The following COL28A1 variants were observed in gnomAD, a reference collection of about 807,000 sequenced individuals.
COL28A1 encodes the protein collagen type XXVIII alpha 1 chain.
COL28A1 carries 161 observed loss-of-function variants against 150.2 expected under a neutral mutation model. The ratio of observed to expected loss-of-function variants is 1.07; its 90% CI spans 0.94 to 1.22. COL28A1 has a LOEUF of 1.22. Among genes scored for constraint, COL28A1 ranks in the 50% most tolerant of loss-of-function variants. COL28A1 has a pLI of 0.00. For missense variants in COL28A1, 1,617 were observed against 1,388.3 expected, an observed-to-expected ratio of 1.16 and a Z score of -2.62; for synonymous variants, 552 against 469.7, an observed-to-expected ratio of 1.18 and a Z score of -2.26.
chr7:7,537,895 T>C (rs2115283784), upstream of COL28A1, among the ~76,000 whole-genome samples: 1 of 152,314 alleles, frequency 6.6e-6, no homozygotes, highest in South Asian at 2.1e-4. Context: ...CTCTTTTTGC[T>C]GAGGCAGGTT....
intron 28 of COL28A1, among the ~76,000 whole-genome samples, chr7:7,381,150 G>A (rs1381570437): frequency 2.0e-5 from 3 of 151,964 alleles, no homozygotes; most frequent in African/African-American, 7.3e-5. Flanking sequence ...CAATTTACCG[G>A]GTACCTGAGT....
chr7:7,458,794 G>A lies in COL28A1; in HGVS notation c.1303-2682C>T, dbSNP rs556595442. ...GGTCACGCAACTGTTAGACGGCAGA[G>A]GTGACAGTCAAGTCCAACTCATAGC... is the stretch of plus-strand genomic sequence containing the variant. On this transcript the variant is annotated intron_variant, in intron 15 of 34. Transcript: ENST00000399429. Among the ~76,000 whole-genome samples the A allele has an allele frequency of 1.6e-4, 25 of 152,278 alleles. No individual in the cohort carries two copies. In the South Asian group the frequency reaches 4.8e-3, roughly 29 times the overall value.
chr7:7,538,320 G>A (rs1477546163), upstream of COL28A1, among the ~76,000 whole-genome samples: 4 of 152,108 alleles, frequency 2.6e-5, no homozygotes, highest in Non-Finnish European at 5.9e-5. Context: ...AAAAGGCAAC[G>A]TGGAGCCCAT....
rs139152115 is a variant in COL28A1, at chr7:7,421,134, A to T, written c.1999-1181T>A. ...ATGGACAAAGTGCTGTAAATTCAGC[A>T]ATAAAAAGGAATAAACTATGAATAA... On this transcript the variant is annotated intron_variant, in intron 25 of 34. Coordinates refer to ENST00000399429, the MANE Select transcript of COL28A1 (RefSeq NM_001037763.3). Among the ~76,000 whole-genome samples, 746 of 152,366 alleles carry T rather than the reference A, an allele frequency of 4.9e-3. 9 individuals are homozygous for T. Among genetic ancestry groups the T allele is most frequent in the East Asian group, 0.028 (147 of 5,192 alleles).
At chr7:7,478,598 G>T (rs1346307346) in intron 13 of COL28A1, among the ~76,000 whole-genome samples, 2 of 152,256 alleles carry the variant, frequency 1.3e-5, no homozygotes, top group African/African-American at 4.8e-5. Flanking sequence ...AGCAGGGGCC[G>T]TGCTCCTTGG....
chr7:7,542,169 G>A, the COL28A1 span, among the ~76,000 whole-genome samples: 1 of 152,162 alleles, frequency 6.6e-6, no homozygotes, highest in African/African-American at 2.4e-5. Context: ...CCAACATAGT[G>A]AAACCCCGTC....
intron 23 of COL28A1, among the ~76,000 whole-genome samples, chr7:7,435,042 A>G (rs1785242646): frequency 6.6e-6 from 1 of 152,220 alleles, no homozygotes; most frequent in Admixed American, 6.5e-5. Flanking sequence ...GGGAAGAACA[A>G]CAGAAAGAGT....
chr7:7,460,603 C>T (rs1032289213), intron 15 of COL28A1, among the ~76,000 whole-genome samples: 1 of 152,248 alleles, frequency 6.6e-6, no homozygotes, highest in East Asian at 1.9e-4. Flanking sequence ...AGGATGGTCT[C>T]GATCTCCTGA....
chr7:7,429,014 T>C (rs1474742064), intron 25 of COL28A1, among the ~76,000 whole-genome samples: 1 of 152,220 alleles, frequency 6.6e-6, no homozygotes, highest in East Asian at 1.9e-4. Context: ...TTGAGTTTAA[T>C]GTCTGTGTCA....
intron 21 of COL28A1, 95 bp downstream of exon 21, chr7:7,440,695 C>G: frequency 1.7e-6 from 1 of 583,296 alleles, no homozygotes; most frequent in Non-Finnish European, 3.1e-6. Context: ...GGGAAGGAAA[C>G]AAGGAATCCA....
At chr7:7,393,288 A>T (rs896942821) in intron 27 of COL28A1, among the ~76,000 whole-genome samples, 9 of 152,182 alleles carry the variant, frequency 5.9e-5, no homozygotes, top group African/African-American at 4.8e-5. Flanking sequence ...TTACCAGTGG[A>T]GGCTGCAGAA....
chr7:7,508,860 G>C (rs940179449), intron 9 of COL28A1, among the ~76,000 whole-genome samples: 13 of 151,932 alleles, frequency 8.6e-5, no homozygotes, highest in Non-Finnish European at 1.3e-4. Context: ...TTGAGATGGA[G>C]TCTTACTCTG....
intron 33 of COL28A1, among the ~76,000 whole-genome samples, chr7:7,366,049 AC>A (rs1279654605): frequency 2.0e-5 from 3 of 152,158 alleles, no homozygotes; most frequent in African/African-American, 7.2e-5. Context: ...AACCTCTCAT[AC>A]ATTAGTGCAG....
At chr7:7,539,805 G>A (rs1782754253), upstream of COL28A1, among the ~76,000 whole-genome samples, 1 of 151,854 alleles carries the variant, frequency 6.6e-6, no homozygotes, top group Non-Finnish European at 1.5e-5. Flanking sequence ...GCAGTTTCGG[G>A]GTACAGCAAC....
intron 25 of COL28A1, among the ~76,000 whole-genome samples, chr7:7,425,193 C>T (rs777161398): frequency 7.2e-5 from 11 of 152,100 alleles, no homozygotes; most frequent in Non-Finnish European, 1.2e-4. Flanking sequence ...GGAAACTGAG[C>T]TACAGCAGGA....
At chr7:7,494,037 GTGTGAATGT>G (rs1389662732) in intron 11 of COL28A1, among the ~76,000 whole-genome samples, 1 of 152,124 alleles carries the variant, frequency 6.6e-6, no homozygotes, top group East Asian at 1.9e-4. Flanking sequence ...CTCCATGTGA[GTGTGAATGT>G]GTGTGAATGT....
chr7:7,370,956 T>C (rs1781196601), intron 32 of COL28A1, 74 bp from the exon 33 acceptor site: 3 of 969,230 alleles, frequency 3.1e-6, no homozygotes, highest in Middle Eastern at 2.7e-4. Context: ...TAAAAAGATC[T>C]GCACTCTCCT....
At chr7:7,440,065 A>G (rs949625800) in intron 21 of COL28A1, among the ~76,000 whole-genome samples, 1 of 152,162 alleles carries the variant, frequency 6.6e-6, no homozygotes, top group East Asian at 1.9e-4. Context: ...GTTTCCTGAC[A>G]CATTCAAATG....
At chr7:7,518,885 T>C (rs914381935) in intron 6 of COL28A1, among the ~76,000 whole-genome samples, 10 of 152,240 alleles carry the variant, frequency 6.6e-5, no homozygotes, top group African/African-American at 2.4e-5. Flanking sequence ...TATTACCTAA[T>C]GAAATTAAAT....
Sources: allele counts gnomAD v4.1 joint callset (sites outside exome capture counted in the v4.1 genomes callset), GRCh38; gene constraint gnomAD v4.1.1; transcripts MANE v1.5; gene names NCBI Gene and HGNC (gene_info 2026-07-23, HGNC 2026-07-21).